BICD1: variants seen among roughly 807,000 people sequenced by gnomAD.
BICD1 encodes protein bicaudal D homolog 1.
BICD1 carries 35 observed loss-of-function variants against 92.5 expected under a neutral mutation model. The ratio of observed to expected loss-of-function variants is 0.38; its 90% CI spans 0.29 to 0.50. The LOEUF is 0.50. Among genes scored for constraint, BICD1 ranks in the 20% least tolerant of loss-of-function variants. BICD1 has a pLI of 0.93. For missense variants in BICD1, 950 were observed against 1,189.8 expected (o/e 0.80, Z 2.97); for synonymous variants, 429 against 465.1 (o/e 0.92, Z 1.00).
chr12:32,325,422 T>C (rs1427787179), intron 4 of BICD1, among the ~76,000 whole-genome samples: 2 of 152,212 alleles, frequency 1.3e-5, no homozygotes, highest in East Asian at 3.8e-4. Flanking sequence ...TTGTGCGTTA[T>C]GCATTGCTCA....
intron 3 of BICD1, among the ~76,000 whole-genome samples, chr12:32,304,731 C>T (rs261871): frequency 0.81 from 123,416 of 152,216 alleles, 50,219 homozygotes; most frequent in Non-Finnish European, 0.84. Flanking sequence ...TCAATAACAA[C>T]ATATGGCCAG....
intron 2 of BICD1, among the ~76,000 whole-genome samples, chr12:32,249,689 C>CT (rs35108159): frequency 0.3 from 43,923 of 145,638 alleles, 7,769 homozygotes; most frequent in Non-Finnish European, 0.42. Context: ...CTCTCTCTCT[C>CT]TTTTTTTTTT....
chr12:32,293,474 C>T (rs561687435), intron 2 of BICD1, among the ~76,000 whole-genome samples: 180 of 114,838 alleles, frequency 1.6e-3, no homozygotes, highest in African/African-American at 5.3e-3. Flanking sequence ...CCCACCACCA[C>T]GCCTGGCTAA....
At chr12:32,114,233 C>A (rs1941808234) in intron 1 of BICD1, among the ~76,000 whole-genome samples, 1 of 152,114 alleles carries the variant, frequency 6.6e-6, no homozygotes, top group Non-Finnish European at 1.5e-5. Context: ...GTCTGAAATT[C>A]CTGAGCTCGA....
chr12:32,360,631 AT>A (rs1023549436), intron 8 of BICD1, among the ~76,000 whole-genome samples: 5 of 151,484 alleles, frequency 3.3e-5, no homozygotes, highest in African/African-American at 4.8e-5. Flanking sequence ...TTAACCAGGC[AT>A]TTTTTTTTAA....
intron 1 of BICD1, among the ~76,000 whole-genome samples, chr12:32,164,495 G>A (rs1002410687): frequency 3.9e-5 from 6 of 152,034 alleles, no homozygotes; most frequent in African/African-American, 1.4e-4. Flanking sequence ...TTTTATTGGC[G>A]TCAAACTACT....
intron 1 of BICD1, among the ~76,000 whole-genome samples, chr12:32,126,339 A>G (rs1176942605): frequency 6.6e-6 from 1 of 151,990 alleles, no homozygotes; most frequent in Non-Finnish European, 1.5e-5. Context: ...TTTGTGTAGA[A>G]AGGATGAAAT....
At chr12:32,367,618 C>G (rs939583849) in intron 8 of BICD1, 52 bp from the exon 9 acceptor site, 1 of 1,547,870 alleles carries the variant, frequency 6.5e-7, no homozygotes, top group African/African-American at 1.4e-5. Flanking sequence ...GTTACTAACA[C>G]CTTGCTCTGT....
At chr12:32,131,941 CAA>C (rs1244599228) in intron 1 of BICD1, among the ~76,000 whole-genome samples, 3 of 152,176 alleles carry the variant, frequency 2.0e-5, no homozygotes, top group Non-Finnish European at 2.9e-5. Flanking sequence ...GGAGGAATAA[CAA>C]GACTGGCGGG....
At chr12:32,376,502 T>C (rs1214035088) in intron 9 of BICD1, among the ~76,000 whole-genome samples, 1 of 152,170 alleles carries the variant, frequency 6.6e-6, no homozygotes, top group Non-Finnish European at 1.5e-5. Flanking sequence ...CTGATAGGCC[T>C]GAGCACAGGT....
At chr12:32,210,194 G>T (rs536434393) in intron 1 of BICD1, among the ~76,000 whole-genome samples, 1 of 152,062 alleles carries the variant, frequency 6.6e-6, no homozygotes, top group South Asian at 2.1e-4. Context: ...ATAGTACAGT[G>T]CTTTGTAAAT....
In BICD1 at chr12:32,175,265, C is replaced by T. The variant is rs529953697; in HGVS notation, c.214-40982C>T. Among the ~76,000 whole-genome samples, 16 of 152,294 alleles carry T rather than the reference C, an allele frequency of 1.1e-4. No individual in the cohort carries two copies. The South Asian group carries it at 2.7e-3, about 26-fold the overall frequency. Reference sequence around the variant, plus strand: ...GTTTGAGAGGAGATTCAACAATCTACACTACTTTCCCTTTTCTTCTTTTTA... The same window carrying T: ...GTTTGAGAGGAGATTCAACAATCTATACTACTTTCCCTTTTCTTCTTTTTA... On this transcript the variant is annotated intron_variant, in intron 1 of 9. Coordinates refer to ENST00000652176, the MANE Select transcript of BICD1 (RefSeq NM_001714.4).
chr12:32,373,794 C>T lies in BICD1; in HGVS notation c.2841-3746C>T, dbSNP rs187879258. Among the ~76,000 whole-genome samples, 1,217 of 149,254 alleles carry T rather than the reference C, an allele frequency of 8.2e-3. 5 individuals carry two copies. Among genetic ancestry groups the T allele is most frequent in the Non-Finnish European group, 0.014 (926 of 67,294 alleles). The stretch of plus-strand genomic sequence containing the variant: ...ACTCGGGAGGCTGAGACAGGAGAAT[C>T]ACTTGAACCCGGAAGGTGGAGGTGG... On this transcript the variant is annotated intron_variant, in intron 9 of 9. Coordinates refer to ENST00000652176, the MANE Select transcript of BICD1 (RefSeq NM_001714.4).
At chr12:32,302,068 A>T (rs926542711) in intron 3 of BICD1, among the ~76,000 whole-genome samples, 1 of 151,910 alleles carries the variant, frequency 6.6e-6, no homozygotes, top group African/African-American at 2.4e-5. Flanking sequence ...TTGTATTTTT[A>T]GTAGAGACGG....
At chr12:32,270,512 A>G (rs1354443002) in intron 2 of BICD1, among the ~76,000 whole-genome samples, 1 of 152,258 alleles carries the variant, frequency 6.6e-6, no homozygotes, top group Non-Finnish European at 1.5e-5. Context: ...GATATCTCAC[A>G]CATACTTTGA....
At chr12:32,266,068 T>C (rs530383986) in intron 2 of BICD1, among the ~76,000 whole-genome samples, 8 of 152,316 alleles carry the variant, frequency 5.3e-5, no homozygotes, top group African/African-American at 1.9e-4. Context: ...AATAGTGATA[T>C]ATACAGACTT....
chr12:32,108,111 A>G (rs1941559158), intron 1 of BICD1: 1 of 236,050 alleles, frequency 4.2e-6, no homozygotes, highest in Non-Finnish European at 8.4e-6. Flanking sequence ...AAGAAAAACA[A>G]CTTTGCTGGG....
chr12:32,259,086 G>A (rs1946790563), intron 2 of BICD1, among the ~76,000 whole-genome samples: 1 of 152,124 alleles, frequency 6.6e-6, no homozygotes, highest in Non-Finnish European at 1.5e-5. Context: ...TGGCCCTTAT[G>A]TGGGCGTAAG....
intron 1 of BICD1, among the ~76,000 whole-genome samples, chr12:32,121,189 TG>T (rs1229385727): frequency 6.6e-6 from 1 of 150,414 alleles, no homozygotes; most frequent in African/African-American, 2.4e-5. Context: ...AGCCTGGTCT[TG>T]AACCTCTGAC....
Sources: allele counts gnomAD v4.1 joint callset (sites outside exome capture counted in the v4.1 genomes callset), GRCh38; gene constraint gnomAD v4.1.1; transcripts MANE v1.5; gene names NCBI Gene and HGNC (gene_info 2026-07-23, HGNC 2026-07-21).